Variants in ELFN2 observed in about 807,000 individuals in gnomAD.
ELFN2 encodes extracellular leucine rich repeat and fibronectin type III domain containing 2.
Under a neutral mutation model 45.5 loss-of-function variants are expected in ELFN2, and 17 were observed. That is an observed-to-expected ratio of 0.37 (90% CI 0.26 to 0.56). The LOEUF is 0.56. Ranked by LOEUF, ELFN2 falls within the 20% of genes least tolerant of loss-of-function variation. The pLI, the probability that ELFN2 is intolerant of heterozygous loss-of-function variation, is 0.77. For missense variants in ELFN2, 922 were observed against 1,183.2 expected, an observed-to-expected ratio of 0.78 and a Z score of 3.24; for synonymous variants, 550 against 551.5, an observed-to-expected ratio of 1.00 and a Z score of 0.04.
rs1180364319 is a variant in ELFN2 at position 37,372,826 on chromosome 22, C to T, written c.*246G>A. Reference sequence around the variant, plus strand: ...GCAGCACAGTAAAGACGACTGGTTTCGGTATCAGTTTGTAAACTTTAAGGA... The same window carrying T: ...GCAGCACAGTAAAGACGACTGGTTTTGGTATCAGTTTGTAAACTTTAAGGA... On this transcript the variant is annotated 3_prime_UTR_variant, in exon 3 of 3. Transcript: ENST00000402918. The surrounding 1 kb of genome is among the most constrained non-coding windows in gnomAD (Gnocchi z 4.4). The T allele has an allele frequency of 6.3e-6, 3 of 476,292 alleles. No homozygotes were observed. The highest frequency in any genetic ancestry group is 2.7e-5 in the South Asian group (1 of 37,630). The allele number at this position is 476,292 out of a possible 1,614,324, so 29.5% of individuals were successfully genotyped here. A position where few individuals can be genotyped will look rare whatever the true frequency, so the allele number is the denominator to read the frequency against.
chr22:37,383,066 C>T (rs1931832861), intron 2 of ELFN2, among the ~76,000 whole-genome samples: 1 of 152,172 alleles, frequency 6.6e-6, no homozygotes, highest in South Asian at 2.1e-4. Flanking sequence ...CCTGCTCTTC[C>T]TTCGCTGTGG....
At chr22:37,381,877 A>G (rs1414556559) in intron 2 of ELFN2, among the ~76,000 whole-genome samples, 1 of 141,880 alleles carries the variant, frequency 7.0e-6, no homozygotes, top group Admixed American at 7.2e-5. Context: ...AATGGCATGA[A>G]CCCGGGAGGC....
At chr22:37,394,626 A>T (rs1664620339) in intron 2 of ELFN2, among the ~76,000 whole-genome samples, 1 of 152,204 alleles carries the variant, frequency 6.6e-6, no homozygotes, top group African/African-American at 2.4e-5. Context: ...AGGCAGAGCG[A>T]TCCCGCAGCT....
Position 37,371,380 on chromosome 22 carries a change from GC to G in ELFN2, c.*1691del, listed in dbSNP as rs1931362836. 1 of 152,212 alleles carries G rather than the reference GC, an allele frequency of 6.6e-6. No homozygotes were observed. The highest frequency in any genetic ancestry group is 2.4e-5 in the African/African-American group (1 of 41,448). 9.4% of individuals were successfully genotyped at this position (152,212 alleles called of 1,614,324 possible). On this transcript the variant is annotated 3_prime_UTR_variant, in exon 3 of 3. Coordinates refer to ENST00000402918, the MANE Select transcript of ELFN2 (RefSeq NM_052906.5). The surrounding 1 kb of genome is among the most constrained non-coding windows in gnomAD (Gnocchi z 6.4). ...GGTCTCTGGCAGGGGCGTGGGGAGA[GC>G]CGGGGCCCCCCAAGCTGAGGTGGGT...
At position 37,395,545 on chromosome 22, in the gene ELFN2, C is replaced by G. The variant is rs114711962; in HGVS notation, c.-462-19549G>C. ...AGCTCTGCCCAGATCTCCTTCCCAG[C>G]CTCCTCTGCTGTCAGGGGCACTCTA... On this transcript the variant is annotated intron_variant, in intron 2 of 2. Coordinates refer to ENST00000402918, the MANE Select transcript of ELFN2 (RefSeq NM_052906.5). Among the ~76,000 whole-genome samples, 864 of 152,300 alleles carry G rather than the reference C, an allele frequency of 5.7e-3. 7 individuals carry two copies. Among genetic ancestry groups the G allele is most frequent in the African/African-American group, 0.018 (748 of 41,552 alleles).
chr22:37,384,459 G>T (rs753652387), intron 2 of ELFN2, among the ~76,000 whole-genome samples: 1 of 147,050 alleles, frequency 6.8e-6, no homozygotes, highest in African/African-American at 2.5e-5. Flanking sequence ...CTCCTCCCCT[G>T]GATCCCACCT....
Position 37,422,945 on chromosome 22 carries a change from G to C in ELFN2, c.-614+4353C>G, listed in dbSNP as rs865848409. Reference sequence around the variant, plus strand: ...TTCATATTGAGGAAACTGGGCCTCGGGGGGGGGGGGGGAAGTGACTTGCCC... The same window carrying C: ...TTCATATTGAGGAAACTGGGCCTCGCGGGGGGGGGGGGAAGTGACTTGCCC... On this transcript the variant is annotated intron_variant, in intron 1 of 2. Coordinates refer to ENST00000402918, the MANE Select transcript of ELFN2 (RefSeq NM_052906.5). 4.9e-3 allele frequency among the ~76,000 whole-genome samples: 515 copies of C among 105,558 alleles called. 17 individuals are homozygous for C. The highest frequency in any genetic ancestry group is 0.025 in the African/African-American group (499 of 20,296). 69.3% of individuals were successfully genotyped at this position (105,558 alleles called of 152,430 possible).
At chr22:37,357,176 A>G (rs1350622348) in intron 1 of ELFN2, among the ~76,000 whole-genome samples, 3 of 152,164 alleles carry the variant, frequency 2.0e-5, no homozygotes, top group Non-Finnish European at 4.4e-5. Flanking sequence ...CAGCCACAAG[A>G]AAAAGATAAA....
intron 2 of ELFN2, among the ~76,000 whole-genome samples, chr22:37,412,756 G>T (rs1932678732): frequency 6.6e-6 from 1 of 152,234 alleles, no homozygotes; most frequent in Non-Finnish European, 1.5e-5. Flanking sequence ...TGCCAGCGGG[G>T]TGGGTGGTCA....
intron 2 of ELFN2, among the ~76,000 whole-genome samples, chr22:37,378,077 T>G (rs980390230): frequency 6.6e-6 from 1 of 152,208 alleles, no homozygotes; most frequent in Admixed American, 6.5e-5. Context: ...GGACCGCATT[T>G]GTATGCAGGT....
chr22:37,373,071 G>T lies in ELFN2; in HGVS notation c.*1C>A, dbSNP rs897326378. Reference sequence around the variant, plus strand: ...GACCTCACCAGGGAGGAAGGGGGGGGTCACAGCTTCTGCTGGGCGGAGACC... The same window carrying T: ...GACCTCACCAGGGAGGAAGGGGGGGTTCACAGCTTCTGCTGGGCGGAGACC... On this transcript the variant is annotated 3_prime_UTR_variant, in exon 3 of 3. Coordinates refer to ENST00000402918, the MANE Select transcript of ELFN2 (RefSeq NM_052906.5). The T allele has an allele frequency of 1.9e-6, 3 of 1,584,662 alleles. No homozygotes were observed. The highest frequency in any genetic ancestry group is 2.6e-6 in the Non-Finnish European group (3 of 1,160,802).
chr22:37,425,106 T>C (rs1347854263), intron 1 of ELFN2, among the ~76,000 whole-genome samples: 1 of 152,156 alleles, frequency 6.6e-6, no homozygotes, highest in Non-Finnish European at 1.5e-5. Flanking sequence ...GGCCTCACGC[T>C]CCCTGGCTAT....
chr22:37,358,233 G>A lies in ELFN2; in HGVS notation n.149-15530C>T, dbSNP rs562266874. On this transcript the variant is annotated intron_variant and non_coding_transcript_variant, in intron 1 of 2. Transcript: ENST00000452946. ...GCCCTAGAAACAGCTTTGTCACTCC[G>A]TGAACCTACAGTAAGTTCAAATCCC... Among the ~76,000 whole-genome samples the A allele has an allele frequency of 7.9e-5, 12 of 152,202 alleles. No individual in the cohort carries two copies. The East Asian group carries it at 1.4e-3, about 17-fold the overall frequency.
chr22:37,424,535 C>T (rs994420663), intron 1 of ELFN2, among the ~76,000 whole-genome samples: 22 of 11,464 alleles, frequency 1.9e-3, no homozygotes, highest in Non-Finnish European at 3.2e-3. Flanking sequence ...AGCCTCTCCT[C>T]CAGCCAGAGA....
intron 2 of ELFN2, among the ~76,000 whole-genome samples, chr22:37,393,510 A>G (rs1433299342): frequency 6.6e-6 from 1 of 152,202 alleles, no homozygotes; most frequent in Non-Finnish European, 1.5e-5. Flanking sequence ...CCGGACTCCA[A>G]CTGCCACACA....
intron 2 of ELFN2, among the ~76,000 whole-genome samples, chr22:37,376,470 C>T (rs1266150183): frequency 6.6e-6 from 1 of 152,202 alleles, no homozygotes; most frequent in African/African-American, 2.4e-5. Context: ...CACGTGTCCA[C>T]GTACCCAAGC....
At chr22:37,364,323 C>A (rs945263878), downstream of ELFN2, among the ~76,000 whole-genome samples, 1 of 152,172 alleles carries the variant, frequency 6.6e-6, no homozygotes, top group Non-Finnish European at 1.5e-5. Context: ...GGCCACGGGG[C>A]AGCCTCAGGG....
intron 2 of ELFN2, among the ~76,000 whole-genome samples, chr22:37,342,430 TC>T (rs931511862): frequency 7.2e-5 from 11 of 152,212 alleles, no homozygotes; most frequent in Admixed American, 3.3e-4. Context: ...GGAGGGCCAT[TC>T]CAGGCAGAGG....
chr22:37,362,641 T>A (rs1373988543), intron 1 of ELFN2, among the ~76,000 whole-genome samples: 2 of 152,136 alleles, frequency 1.3e-5, no homozygotes, highest in Admixed American at 6.5e-5. Flanking sequence ...GGGAGTAAAG[T>A]GGGTTAGAGC....
Sources: allele counts gnomAD v4.1 joint callset (sites outside exome capture counted in the v4.1 genomes callset), GRCh38; gene constraint gnomAD v4.1.1; non-coding constraint Gnocchi (gnomAD v3.1); transcripts MANE v1.5; gene names NCBI Gene and HGNC (gene_info 2026-07-23, HGNC 2026-07-21).